MRC2: variants seen among roughly 807,000 people sequenced by gnomAD.
MRC2 encodes the protein mannose receptor C-type 2.
A neutral mutation model predicts 206.2 loss-of-function variants in MRC2; 84 were observed. The observed-to-expected ratio is 0.41, with a 90% CI of 0.34 to 0.49. MRC2 has a LOEUF of 0.49. Among genes scored for constraint, MRC2 ranks in the 20% least tolerant of loss-of-function variants. MRC2 has a pLI of 0.31. For synonymous variants in MRC2, 798 were observed against 800.0 expected, an observed-to-expected ratio of 1.00 and a Z score of 0.04; for missense variants, 1,676 against 2,001.5, an observed-to-expected ratio of 0.84 and a Z score of 3.10.
In MRC2 at chr17:62,674,136, AG is replaced by A; in HGVS notation, c.1540del (p.Ala514ProfsTer27). 6.4e-7 allele frequency: 1 copy of A among 1,554,594 alleles called. No individual in the cohort carries two copies. Among genetic ancestry groups the A allele is most frequent in the Non-Finnish European group, 8.7e-7 (1 of 1,148,768 alleles). ...TGCAAGAAGGCAGGCCAGCTGAGCC[AG>A]GGGGCCGCCGAGGAGGACCATGGCT... Reference protein sequence around the residue: ...SICKKAGQLSQGAAEEDHGCR... With the variant: ...SICKKAGQLSXGAAEEDHGCR... On this transcript the variant is annotated frameshift_variant, in exon 9 of 30. Transcript: ENST00000303375. LOFTEE classifies it high-confidence loss of function.
rs371841784 is a variant in MRC2, at chr17:62,676,420, T to G, written c.1723T>G (p.Trp575Gly). ...CTTCGTCAGCAGCCTCATCTACAAC[T>G]GGGAGGGCGAGTACTTCTGGACGGC... is the stretch of plus-strand genomic sequence containing the variant. The part of the protein sequence containing the change: ...QAFVSSLIYN[W>G]EGEYFWTALQ... Residue 575 changes from tryptophan (W) to glycine (G), a missense_variant, in exon 11 of 30, where the codon TGG becomes GGG. Physicochemically the swap from Trp to Gly is radical, Grantham distance 184. Transcript: ENST00000303375. 2.2e-5 allele frequency: 35 copies of G among 1,613,968 alleles called. No homozygotes were observed. In the African/African-American group the frequency reaches 4.7e-4, roughly 22 times the overall value.
chr17:62,655,872 CA>C (rs1171355481), intron 1 of MRC2, among the ~76,000 whole-genome samples: 1 of 152,130 alleles, frequency 6.6e-6, no homozygotes, highest in East Asian at 1.9e-4. Flanking sequence ...TTCATGAGTT[CA>C]GCCTCTCCAG....
chr17:62,688,462 A>G (rs534648647), intron 21 of MRC2, 39 bp from the exon 22 acceptor site: 30 of 1,614,168 alleles, frequency 1.9e-5, no homozygotes, highest in Admixed American at 1.5e-4. Context: ...CCAAATAGCT[A>G]TAGCAGAGTC....
At chr17:62,689,053 T>C in intron 23 of MRC2, 93 bp downstream of exon 23, 1 of 1,032,454 alleles carries the variant, frequency 9.7e-7, no homozygotes, top group Non-Finnish European at 1.5e-6. Context: ...TCATGGTCCC[T>C]GGCAGAGCAG....
chr17:62,690,313 A>T lies in MRC2; in HGVS notation c.3892+8A>T, dbSNP rs2089091261. The T allele has an allele frequency of 6.2e-7, 1 of 1,607,108 alleles. No individual in the cohort carries two copies. Among genetic ancestry groups the T allele is most frequent in the Non-Finnish European group, 8.5e-7 (1 of 1,176,246 alleles). ...GACAGCGCTGCCAGAGAGGTGGGTG[A>T]CCAGGCCAGAGCCCACACATGGCGG... On this transcript the variant is annotated splice_region_variant and intron_variant, in intron 26 of 29. Transcript: ENST00000303375.
intron 1 of MRC2, among the ~76,000 whole-genome samples, chr17:62,639,567 G>A (rs1482120267): frequency 6.6e-6 from 1 of 152,098 alleles, no homozygotes; most frequent in East Asian, 1.9e-4. Flanking sequence ...ATCCTTTGAT[G>A]TCATAATTTT....
In MRC2 at chr17:62,689,550, G is replaced by A. The variant is rs200935467; in HGVS notation, c.3363G>A (p.Ala1121=). 2.8e-5 allele frequency: 44 copies of A among 1,589,932 alleles called. No individual in the cohort carries two copies. In the East Asian group the frequency reaches 6.3e-4, roughly 23 times the overall value. ...TDPSLSPSPA[A]LPPAPGTELS... is the part of the protein sequence containing the mutation. ...CCTCCCTGAGCCCGTCCCCAGCAGC[G>A]CTGCCCCCCGCCCCGGGCACTGAGC... The change falls in exon 24 of 30, where the codon GCG becomes GCA. Residue 1121 remains alanine (A), a synonymous_variant. Coordinates refer to ENST00000303375, the MANE Select transcript of MRC2 (RefSeq NM_006039.5).
intron 26 of MRC2, 86 bp downstream of exon 26, chr17:62,690,391 C>A: frequency 6.7e-7 from 1 of 1,484,550 alleles, no homozygotes; most frequent in Non-Finnish European, 9.0e-7. Context: ...CATCCCCACA[C>A]TGCTCTCTAC....
Position 62,680,845 on chromosome 17 carries a change from T to C in MRC2, c.2519T>C (p.Phe840Ser). 6.2e-7 allele frequency: 1 copy of C among 1,612,996 alleles called. No homozygotes were observed. The highest frequency in any genetic ancestry group is 2.2e-5 in the East Asian group (1 of 44,876). The change falls in exon 17 of 30, where the codon TTT becomes TCT. Residue 840 changes from phenylalanine (F) to serine (S), a missense_variant. This residue lies in a region of MRC2 where 1,354 missense variants were observed against 1,636.6 expected (regional missense o/e 0.83). Coordinates refer to ENST00000303375, the MANE Select transcript of MRC2 (RefSeq NM_006039.5). The surrounding 1 kb of genome is among the most constrained non-coding windows in gnomAD (Gnocchi z 4.8). ...LRFQEAEYKF[F>S]EHHSTWAQAQ... ...TTCCAGGAGGCCGAGTACAAGTTCTTTGAGCACCACTCCACGTGGGCGCAG... is the reference window on the plus strand; with the variant it reads ...TTCCAGGAGGCCGAGTACAAGTTCTCTGAGCACCACTCCACGTGGGCGCAG...
chr17:62,640,923 C>T (rs887320697), intron 1 of MRC2, among the ~76,000 whole-genome samples: 30 of 151,674 alleles, frequency 2.0e-4, no homozygotes, highest in Non-Finnish European at 3.8e-4. Flanking sequence ...AGGATGGTCT[C>T]GATCTCCTGA....
At chr17:62,645,682 C>T (rs947766180) in intron 1 of MRC2, among the ~76,000 whole-genome samples, 1 of 150,696 alleles carries the variant, frequency 6.6e-6, no homozygotes, top group Non-Finnish European at 1.5e-5. Context: ...CACAGGTGTG[C>T]ACCACCAACT....
intron 1 of MRC2, among the ~76,000 whole-genome samples, chr17:62,640,043 T>C (rs1337963728): frequency 1.4e-5 from 1 of 73,474 alleles, no homozygotes; most frequent in African/African-American, 5.2e-5. Context: ...TTTTTTTTTG[T>C]ATTTTTAGTA....
At position 62,667,077 on chromosome 17, in the gene MRC2, G is replaced by C. The variant is rs540938201; in HGVS notation, c.973+207G>C. Among the ~76,000 whole-genome samples, 1 of 152,186 alleles carries C rather than the reference G, an allele frequency of 6.6e-6. No individual in the cohort carries two copies. The highest frequency in any genetic ancestry group is 1.9e-4 in the East Asian group (1 of 5,140). On this transcript the variant is annotated intron_variant, in intron 5 of 29. Coordinates refer to ENST00000303375, the MANE Select transcript of MRC2 (RefSeq NM_006039.5). This position sits in a 1 kb window ranked among gnomAD's most constrained non-coding sequence, Gnocchi z 4.1. ...GAAGGTCTTGGTGCATATGGACTGG[G>C]TGCCAGCCTCCACTCACCTCTTCAG...
At position 62,666,941 on chromosome 17, in the gene MRC2, C is replaced by G; in HGVS notation, c.973+71C>G. On this transcript the variant is annotated intron_variant, in intron 5 of 29. Transcript: ENST00000303375. This position sits in a 1 kb window ranked among gnomAD's most constrained non-coding sequence, Gnocchi z 5.0. ...GGCTCTTGGCCTCCCATGGACTCCT[C>G]TCCTCATGTCCTCCTGCAGAGGGGC... The G allele has an allele frequency of 8.7e-7, 1 of 1,151,532 alleles. No individual in the cohort carries two copies. Among genetic ancestry groups the G allele is most frequent in the Non-Finnish European group, 1.3e-6 (1 of 781,866 alleles). The allele number at this position is 1,151,532 out of a possible 1,614,324, so 71.3% of individuals were successfully genotyped here. A position where few individuals can be genotyped will look rare whatever the true frequency, so the allele number is the denominator to read the frequency against.
At chr17:62,682,088 T>C in intron 19 of MRC2, 147 bp from the exon 20 acceptor site, 1 of 1,098,790 alleles carries the variant, frequency 9.1e-7, no homozygotes, top group South Asian at 1.6e-5. Flanking sequence ...CCTGTCTCCA[T>C]GGTCCAGAAG....
chr17:62,628,819 G>T (rs927026608), intron 1 of MRC2, among the ~76,000 whole-genome samples: 1 of 152,154 alleles, frequency 6.6e-6, no homozygotes, highest in Non-Finnish European at 1.5e-5. Flanking sequence ...CTGGGGGAGT[G>T]GGGGTGGGGG....
At chr17:62,637,527 CTG>C (rs1167016125) in intron 1 of MRC2, among the ~76,000 whole-genome samples, 1 of 133,880 alleles carries the variant, frequency 7.5e-6, no homozygotes, top group Non-Finnish European at 1.6e-5. Flanking sequence ...AAGAGGAAGA[CTG>C]TGTCTCAAAA....
Position 62,689,684 on chromosome 17 carries a change from C to T in MRC2, c.3497C>T (p.Pro1166Leu), listed in dbSNP as rs1313152318. 6.3e-7 allele frequency: 1 copy of T among 1,585,516 alleles called. No individual in the cohort carries two copies. The highest frequency in any genetic ancestry group is 1.8e-5 in the Admixed American group (1 of 56,428). ...RNASLAYVPD[P>L]YTQAFLTQAA... ...GCCAGCCTGGCCTACGTGCCCGACC[C>T]CTACACCCAGGCCTTCCTCACGCAG... The change falls in exon 24 of 30, where the codon CCC becomes CTC. Residue 1166 changes from proline to leucine, a missense_variant. By Grantham distance (98) the Pro-to-Leu change is moderately conservative (BLOSUM62 -3). Transcript: ENST00000303375.
chr17:62,664,811 G>T lies in MRC2; in HGVS notation c.382G>T (p.Asp128Tyr), dbSNP rs761872506. ...NLRWHCRTLG[D>Y]QLSLLLGART... ...TCGCTGGCATTGTCGTACACTGGGTGACCAGCTGTCCTTGCTCCTGGGGGC... is the reference window on the plus strand; with the variant it reads ...TCGCTGGCATTGTCGTACACTGGGTTACCAGCTGTCCTTGCTCCTGGGGGC... Residue 128 changes from aspartate (D) to tyrosine (Y), a missense_variant, in exon 2 of 30, where the codon GAC becomes TAC. Transcript: ENST00000303375. The surrounding 1 kb of genome is among the most constrained non-coding windows in gnomAD (Gnocchi z 4.7). 6.2e-7 allele frequency: 1 copy of T among 1,613,914 alleles called. No individual in the cohort carries two copies. Among genetic ancestry groups the T allele is most frequent in the South Asian group, 1.1e-5 (1 of 91,086 alleles).
Sources: gnomAD v4.1 joint callset for allele counts (sites outside exome capture counted in the v4.1 genomes callset) on GRCh38, gnomAD v4.1.1 for gene constraint, gnomAD v4.1.1 regional missense constraint, Gnocchi (gnomAD v3.1) non-coding constraint, MANE v1.5 for transcripts, NCBI Gene and HGNC (gene_info 2026-07-23, HGNC 2026-07-21) for gene names.